FAM120B: variants seen among roughly 807,000 people sequenced by gnomAD.
FAM120B encodes the protein family with sequence similarity 120 member B.
A neutral mutation model predicts 96.3 loss-of-function variants in FAM120B; 83 were observed. The ratio of observed to expected loss-of-function variants is 0.86; its 90% CI spans 0.72 to 1.03. FAM120B has a LOEUF of 1.03. Ranked by LOEUF, FAM120B falls within the 50% of genes least tolerant of loss-of-function variation. The probability of loss-of-function intolerance (pLI) is 0.00; values close to 1 mark genes in which losing one functional copy is unlikely to be tolerated. For synonymous variants in FAM120B, 407 were observed against 402.7 expected, an observed-to-expected ratio of 1.01 and a Z score of -0.13; for missense variants, 1,027 against 1,121.2, an observed-to-expected ratio of 0.92 and a Z score of 1.20.
intron 9 of FAM120B, among the ~76,000 whole-genome samples, chr6:170,400,504 G>A (rs572875708): frequency 9.9e-5 from 15 of 152,184 alleles, no homozygotes; most frequent in Middle Eastern, 3.4e-3. Context: ...TGTCTCAAGC[G>A]CTGGTTCTGC....
intron 6 of FAM120B, among the ~76,000 whole-genome samples, chr6:170,386,825 A>G (rs1348831257): frequency 6.6e-6 from 1 of 152,272 alleles, no homozygotes; most frequent in Non-Finnish European, 1.5e-5. Context: ...ATTCTGTTTC[A>G]TGAAAATAAA....
chr6:170,342,275 A>T (rs1480634791), intron 4 of FAM120B, among the ~76,000 whole-genome samples: 1 of 152,210 alleles, frequency 6.6e-6, no homozygotes, highest in East Asian at 1.9e-4. Context: ...AAGCTTTCAC[A>T]AATGATCTGA....
chr6:170,341,246 C>T (rs1478401536), intron 4 of FAM120B, among the ~76,000 whole-genome samples: 1 of 152,230 alleles, frequency 6.6e-6, no homozygotes, highest in African/African-American at 2.4e-5. Flanking sequence ...AACCACTTTG[C>T]CGCACTGTGG....
intron 6 of FAM120B, among the ~76,000 whole-genome samples, chr6:170,382,155 T>C (rs551154309): frequency 2.6e-5 from 4 of 152,340 alleles, no homozygotes; most frequent in Non-Finnish European, 4.4e-5. Context: ...GTGTGGTGGC[T>C]CATGCCTGTA....
intron 1 of FAM120B, among the ~76,000 whole-genome samples, chr6:170,297,348 C>T (rs1409257219): frequency 6.6e-6 from 1 of 152,244 alleles, no homozygotes; most frequent in Non-Finnish European, 1.5e-5. Context: ...GAGCATCTGC[C>T]GGGGAGAACA....
intron 4 of FAM120B, among the ~76,000 whole-genome samples, chr6:170,345,277 G>A (rs2115127360): frequency 6.6e-6 from 1 of 152,228 alleles, no homozygotes; most frequent in African/African-American, 2.4e-5. Flanking sequence ...TTAATGCCCT[G>A]CCCCAATTTG....
At chr6:170,291,939 G>C (rs1583159957), upstream of FAM120B, among the ~76,000 whole-genome samples, 1 of 152,312 alleles carries the variant, frequency 6.6e-6, no homozygotes, top group East Asian at 1.9e-4. Context: ...GCCTCCCTCC[G>C]CCTGGTAAGA....
intron 6 of FAM120B, among the ~76,000 whole-genome samples, chr6:170,383,988 C>T (rs1473578244): frequency 6.6e-6 from 1 of 152,172 alleles, no homozygotes; most frequent in African/African-American, 2.4e-5. Context: ...CGCTTGGAAC[C>T]ACCTGAATGG....
At chr6:170,302,275 A>G (rs1428872056), upstream of FAM120B, among the ~76,000 whole-genome samples, 1 of 152,148 alleles carries the variant, frequency 6.6e-6, no homozygotes, top group Non-Finnish European at 1.5e-5. Flanking sequence ...CCCCTTATAA[A>G]ACCATCAGGT....
At chr6:170,362,689 T>C (rs1788535226) in intron 6 of FAM120B, among the ~76,000 whole-genome samples, 2 of 151,440 alleles carry the variant, frequency 1.3e-5, no homozygotes, top group South Asian at 4.2e-4. Context: ...TTTTTCTTTT[T>C]TTTTTTTTTT....
rs1778770604 is a variant in FAM120B, at chr6:170,405,397, A to G, written c.*646A>G. The G allele has an allele frequency of 6.6e-6, 1 of 152,244 alleles. No homozygotes were observed. Among genetic ancestry groups the G allele is most frequent in the African/African-American group, 2.4e-5 (1 of 41,458 alleles). The allele number at this position is 152,244 out of a possible 1,614,324, so 9.4% of individuals were successfully genotyped here. On this transcript the variant is annotated 3_prime_UTR_variant, in exon 11 of 11. Transcript: ENST00000476287. Reference sequence around the variant, plus strand: ...TTCTTGCTATCTGAAAACCAAGAAGACCACTAAGTGACTAATGGTCAGAGA... The same window carrying G: ...TTCTTGCTATCTGAAAACCAAGAAGGCCACTAAGTGACTAATGGTCAGAGA...
At chr6:170,378,098 G>A (rs1218482624) in intron 6 of FAM120B, among the ~76,000 whole-genome samples, 1 of 152,202 alleles carries the variant, frequency 6.6e-6, no homozygotes. Context: ...ATACCTGATA[G>A]AGTTGCCATA....
chr6:170,334,962 T>C (rs1246026619), intron 4 of FAM120B, among the ~76,000 whole-genome samples: 1 of 152,142 alleles, frequency 6.6e-6, no homozygotes, highest in Non-Finnish European at 1.5e-5. Flanking sequence ...ATTTTTTTGC[T>C]TATTATAAAT....
chr6:170,335,825 CAT>C (rs553532496), intron 4 of FAM120B, among the ~76,000 whole-genome samples: 38 of 152,234 alleles, frequency 2.5e-4, no homozygotes, highest in Non-Finnish European at 4.9e-4. Context: ...CTTTTTTCTT[CAT>C]ATGTTTGTTG....
chr6:170,348,096 A>G, intron 4 of FAM120B, 55 bp from the exon 5 acceptor site: 2 of 1,433,476 alleles, frequency 1.4e-6, no homozygotes, highest in South Asian at 1.3e-5. Context: ...CAAGGAGCAT[A>G]TTATAACTCT....
In FAM120B at chr6:170,401,304, G is replaced by A. The variant is rs77999916; in HGVS notation, c.2693-3246G>A. 5.8e-3 allele frequency among the ~76,000 whole-genome samples: 888 copies of A among 152,286 alleles called. 8 individuals are homozygous for A. The highest frequency in any genetic ancestry group is 0.02 in the African/African-American group (848 of 41,560). On this transcript the variant is annotated intron_variant, in intron 9 of 10. Transcript: ENST00000476287. ...AGCTCCTTGGGGCAGGCTGAGCTAA[G>A]CCTGAGGGGTCTCCAAGTGGCATTC... is the stretch of plus-strand genomic sequence containing the variant.
intron 5 of FAM120B, among the ~76,000 whole-genome samples, chr6:170,350,729 AAAC>A (rs1026108488): frequency 1.4e-4 from 21 of 149,090 alleles, no homozygotes; most frequent in African/African-American, 5.3e-4. Flanking sequence ...GAAAAACAGA[AAAC>A]AACAACATCA....
intron 4 of FAM120B, among the ~76,000 whole-genome samples, chr6:170,332,498 C>T (rs1214056724): frequency 1.3e-5 from 2 of 152,128 alleles, no homozygotes; most frequent in East Asian, 1.9e-4. Flanking sequence ...AGGAGTTTGA[C>T]ACCCGCCTGG....
chr6:170,328,978 G>A (rs1471201509), intron 3 of FAM120B, among the ~76,000 whole-genome samples: 2 of 152,228 alleles, frequency 1.3e-5, no homozygotes, highest in Non-Finnish European at 2.9e-5. Context: ...GGGCCTTCCA[G>A]GCTATCACCA....
Sources: gnomAD v4.1 joint callset for allele counts (sites outside exome capture counted in the v4.1 genomes callset) on GRCh38, gnomAD v4.1.1 for gene constraint, MANE v1.5 for transcripts, NCBI Gene and HGNC (gene_info 2026-07-23, HGNC 2026-07-21) for gene names.